GATAD2A: variants seen among roughly 807,000 people sequenced by gnomAD.
GATAD2A encodes the protein transcriptional repressor p66-alpha.
In GATAD2A, 12 loss-of-function variants were observed where a neutral mutation model predicts 68.5. The observed-to-expected ratio is 0.18, with a 90% CI of 0.11 to 0.28. The LOEUF (loss-of-function observed/expected upper bound fraction) is 0.28. GATAD2A is among the 10% of genes least tolerant of loss of function. The pLI is 1.00. For synonymous variants in GATAD2A, 410 were observed against 375.3 expected (o/e 1.09, Z -1.07); for missense variants, 755 against 868.5 (o/e 0.87, Z 1.64).
chr19:19,405,631 C>A (rs2050128791), upstream of GATAD2A, among the ~76,000 whole-genome samples: 1 of 151,130 alleles, frequency 6.6e-6, no homozygotes, highest in Non-Finnish European at 1.5e-5. Context: ...GGAACCCCGC[C>A]CACGAGCTCC....
intron 1 of GATAD2A, among the ~76,000 whole-genome samples, chr19:19,395,727 AAG>A (rs2049188218): frequency 6.6e-6 from 1 of 152,128 alleles, no homozygotes; most frequent in South Asian, 2.1e-4. Context: ...GTCCTTCAGG[AAG>A]AGTGTGTTCT....
chr19:19,433,013 G>A (rs551346177), intron 1 of GATAD2A, among the ~76,000 whole-genome samples: 1 of 152,350 alleles, frequency 6.6e-6, no homozygotes, highest in East Asian at 1.9e-4. Flanking sequence ...ACTGGGTGGT[G>A]GGTGGAGTCT....
chr19:19,463,016 G>A (rs1400085572), intron 1 of GATAD2A, among the ~76,000 whole-genome samples: 1 of 152,112 alleles, frequency 6.6e-6, no homozygotes, highest in Admixed American at 6.5e-5. Context: ...AGGTGGAGGT[G>A]CATTCTCCCT....
At chr19:19,447,513 C>A (rs1488282002) in intron 1 of GATAD2A, among the ~76,000 whole-genome samples, 1 of 152,234 alleles carries the variant, frequency 6.6e-6, no homozygotes, top group Non-Finnish European at 1.5e-5. Context: ...AGACTCCTCC[C>A]ACCCCTGAGG....
chr19:19,420,765 C>T (rs2052322863), intron 1 of GATAD2A, among the ~76,000 whole-genome samples: 1 of 151,918 alleles, frequency 6.6e-6, no homozygotes, highest in South Asian at 2.1e-4. Context: ...CGATGACAGT[C>T]CCTCGTGTGA....
At chr19:19,433,193 T>C (rs913029099) in intron 1 of GATAD2A, among the ~76,000 whole-genome samples, 1 of 152,208 alleles carries the variant, frequency 6.6e-6, no homozygotes, top group Non-Finnish European at 1.5e-5. Flanking sequence ...ACCACCCCCC[T>C]GCCCCAGGAA....
chr19:19,412,798 C>T (rs908516524), intron 1 of GATAD2A, among the ~76,000 whole-genome samples: 1 of 152,186 alleles, frequency 6.6e-6, no homozygotes, highest in African/African-American at 2.4e-5. Context: ...CACATTCTTA[C>T]CTTAGAGACG....
intron 2 of GATAD2A, among the ~76,000 whole-genome samples, chr19:19,476,341 T>G (rs1003253549): frequency 6.6e-6 from 1 of 152,222 alleles, no homozygotes; most frequent in Non-Finnish European, 1.5e-5. Context: ...GCTTCTGATA[T>G]CTCCTCCCAG....
At chr19:19,414,723 T>C (rs1423869725) in intron 1 of GATAD2A, among the ~76,000 whole-genome samples, 2 of 148,374 alleles carry the variant, frequency 1.3e-5, no homozygotes, top group East Asian at 4.0e-4. Flanking sequence ...TTTGTAGAGA[T>C]GGGGTTTTAC....
In GATAD2A at chr19:19,420,412, A is replaced by G. The variant is rs2052255318; in HGVS notation, c.-7+14393A>G. 2.1e-5 allele frequency among the ~76,000 whole-genome samples: 3 copies of G among 145,748 alleles called. No homozygotes were observed. The Admixed American group carries it at 2.1e-4, about 10-fold the overall frequency. On this transcript the variant is annotated intron_variant, in intron 1 of 11. Coordinates refer to ENST00000683918, the MANE Select transcript of GATAD2A (RefSeq NM_001384528.1). The stretch of plus-strand genomic sequence containing the variant: ...AGTGGCGCGATCTCGGCTCACTGGA[A>G]GCTCTGCCTCCCAGGTTCCCGCCAT...
chr19:19,474,883 G>T (rs530994206), intron 2 of GATAD2A, among the ~76,000 whole-genome samples: 1 of 152,342 alleles, frequency 6.6e-6, no homozygotes, highest in African/African-American at 2.4e-5. Context: ...CCCCAGAGAG[G>T]TTGAGGTCCA....
chr19:19,501,079 C>G (rs758682951), intron 8 of GATAD2A, 39 bp from the exon 9 acceptor site: 9 of 1,568,024 alleles, frequency 5.7e-6, no homozygotes, highest in Middle Eastern at 3.4e-4. Context: ...GACTGTCGTC[C>G]TGGCCCTCTG....
intron 1 of GATAD2A, among the ~76,000 whole-genome samples, chr19:19,448,827 G>T (rs1026974156): frequency 6.6e-6 from 1 of 152,168 alleles, no homozygotes; most frequent in African/African-American, 2.4e-5. Context: ...TAATAAGCCT[G>T]TGATCAGTTT....
intron 11 of GATAD2A, among the ~76,000 whole-genome samples, chr19:19,505,080 A>G (rs1485982282): frequency 6.6e-6 from 1 of 152,018 alleles, no homozygotes; most frequent in Admixed American, 6.6e-5. Flanking sequence ...GTAGCTGCTC[A>G]CCCTCTGATG....
chr19:19,388,412 G>C (rs187227972), intron 1 of GATAD2A, among the ~76,000 whole-genome samples: 4 of 152,274 alleles, frequency 2.6e-5, no homozygotes, highest in African/African-American at 7.2e-5. Context: ...TGGAGGAAGA[G>C]AGCAGAAATG....
upstream of GATAD2A, among the ~76,000 whole-genome samples, chr19:19,404,774 G>A (rs930874865): frequency 3.3e-5 from 5 of 152,162 alleles, no homozygotes; most frequent in African/African-American, 1.2e-4. Context: ...GATTTATTAG[G>A]GTATGCGATA....
At chr19:19,452,897 T>C (rs1600164863) in intron 1 of GATAD2A, among the ~76,000 whole-genome samples, 1 of 152,170 alleles carries the variant, frequency 6.6e-6, no homozygotes, top group East Asian at 1.9e-4. Context: ...CTTGTCCTCC[T>C]GTGCGTCCCC....
intron 1 of GATAD2A, among the ~76,000 whole-genome samples, chr19:19,432,289 GTTTTGTTTTTGT>G (rs762553208): frequency 1.6e-4 from 25 of 151,818 alleles, no homozygotes; most frequent in African/African-American, 2.9e-4. Context: ...TTTTTGTTTT[GTTTTGTTTTTGT>G]TTTTGTTTTT....
chr19:19,415,730 G>C (rs957320670), intron 1 of GATAD2A, among the ~76,000 whole-genome samples: 1 of 147,536 alleles, frequency 6.8e-6, no homozygotes, highest in African/African-American at 2.5e-5. Flanking sequence ...CAATTCTCCT[G>C]CCTCAGCCTC....
Sources: allele counts gnomAD v4.1 joint callset (sites outside exome capture counted in the v4.1 genomes callset), GRCh38; gene constraint gnomAD v4.1.1; transcripts MANE v1.5; gene names NCBI Gene and HGNC (gene_info 2026-07-23, HGNC 2026-07-21).